The following HJV variants were observed in gnomAD, a reference collection of about 807,000 sequenced individuals.
HJV encodes the protein hemojuvelin.
A neutral mutation model predicts 22.7 loss-of-function variants in HJV; 18 were observed. The observed-to-expected ratio is 0.79, with a 90% CI of 0.55 to 1.18. HJV has a LOEUF of 1.18. HJV is among the 50% of genes most tolerant of loss of function. HJV has a pLI of 0.00. For synonymous variants in HJV, 229 were observed against 222.7 expected, an observed-to-expected ratio of 1.03 and a Z score of -0.25; for missense variants, 572 against 553.0, an observed-to-expected ratio of 1.03 and a Z score of -0.34.
chr1:146,019,412 G>A lies in HJV; in HGVS notation c.420C>T (p.Ser140=), dbSNP rs1553769711. ...CACAAGGGTCCGGGGCAGGGAGGCC[G>A]GAGCCCGCGCCTGGAAGGGCGGGGC... ...PRGPALPGAG[S]GLPAPDPCDY... Residue 140 remains serine, a synonymous_variant, in exon 3 of 4, where the codon TCC becomes TCT. Transcript: ENST00000336751. The A allele has an allele frequency of 3.7e-6, 6 of 1,612,546 alleles. No individual in the cohort carries two copies. The highest frequency in any genetic ancestry group is 1.3e-5 in the African/African-American group (1 of 74,922).
chr1:146,018,722 C>T (rs367645382), intron 3 of HJV, 22 bp from the exon 4 acceptor site: 65 of 1,613,720 alleles, frequency 4.0e-5, no homozygotes, highest in Non-Finnish European at 5.3e-5. Flanking sequence ...AGAGGGAAAA[C>T]AGTTCATTTT....
chr1:146,019,054 G>A, intron 3 of HJV, 121 bp downstream of exon 3: 1 of 894,438 alleles, frequency 1.1e-6, no homozygotes, highest in Non-Finnish European at 1.9e-6. Context: ...TCGAGATGGG[G>A]GAGAGGTTGA....
chr1:146,019,586 G>C lies in HJV; in HGVS notation c.246C>G (p.Ala82=). 1 of 1,613,616 alleles carries C rather than the reference G, an allele frequency of 6.2e-7. No homozygotes were observed. Among genetic ancestry groups the C allele is most frequent in the Non-Finnish European group, 8.5e-7 (1 of 1,180,012 alleles). ...GAGTGCAGAGCGCATAGGAGCGGAG[G>C]GCTCGACAGAGGCCGCCAGAGCCCA... ...GGVGSGGLCR[A]LRSYALCTRR... Residue 82 remains alanine, a synonymous_variant, in exon 3 of 4, where the codon GCC becomes GCG. Coordinates refer to ENST00000336751, the MANE Select transcript of HJV (RefSeq NM_213653.4).
In HJV at chr1:146,017,813, A is replaced by G. The variant is rs1044146074; in HGVS notation, c.*264T>C. 8.4e-6 allele frequency: 4 copies of G among 474,332 alleles called. No homozygotes were observed. The highest frequency in any genetic ancestry group is 1.6e-5 in the Non-Finnish European group (4 of 254,396). The allele number at this position is 474,332 out of a possible 1,614,324, so 29.4% of individuals were successfully genotyped here. ...CTTATAAGGGTGAAATCTGCAGTAA[A>G]TGGATTAGAACAATTTGTTTACTAT... On this transcript the variant is annotated 3_prime_UTR_variant, in exon 4 of 4. Coordinates refer to ENST00000336751, the MANE Select transcript of HJV (RefSeq NM_213653.4).
intron 1 of HJV, among the ~76,000 whole-genome samples, chr1:146,020,896 T>A (rs1652694730): frequency 6.6e-6 from 1 of 152,326 alleles, no homozygotes; most frequent in East Asian, 1.9e-4. Flanking sequence ...TTAATCTCCC[T>A]CTCTCATGGA....
chr1:146,019,254 A>G lies in HJV; in HGVS notation c.578T>C (p.Leu193Pro). 1.2e-6 allele frequency: 2 copies of G among 1,614,070 alleles called. No homozygotes were observed. The highest frequency in any genetic ancestry group is 1.7e-6 in the Non-Finnish European group (2 of 1,180,050). The change falls in exon 3 of 4, where the codon CTA becomes CCA. Residue 193 changes from leucine (L) to proline (P), a missense_variant. Transcript: ENST00000336751. ...HTCRVQGAWP[L>P]LDNDFLFVQA... ...GACAAAGAGGAAGTCATTATCCAGT[A>G]GAGGCCAAGCTCCTTGGACACGGCA...
chr1:146,018,352 C>A lies in HJV; in HGVS notation c.1006G>T (p.Gly336Ter), dbSNP rs1553769428. The A allele has an allele frequency of 6.2e-7, 1 of 1,614,206 alleles. No individual in the cohort carries two copies. The highest frequency in any genetic ancestry group is 1.1e-5 in the South Asian group (1 of 91,086). Residue 336 changes from glycine to a stop codon, truncating the protein, a stop_gained, in exon 4 of 4, where the codon GGA becomes TGA. Transcript: ENST00000336751. LOFTEE classifies it high-confidence loss of function. ...RLSRSERNRR[G>*]AITIDTARRL... ...CTGGCAGTATCAATGGTTATAGCTCCCCGACGATTGCGCTCTGATCGAGAG... is the reference window on the plus strand; with the variant it reads ...CTGGCAGTATCAATGGTTATAGCTCACCGACGATTGCGCTCTGATCGAGAG...
In HJV at chr1:146,018,020, T is replaced by C. The variant is rs1333402121; in HGVS notation, c.*57A>G. 1.6e-5 allele frequency: 25 copies of C among 1,578,846 alleles called. No homozygotes were observed. Among genetic ancestry groups the C allele is most frequent in the Non-Finnish European group, 2.1e-5 (24 of 1,149,398 alleles). On this transcript the variant is annotated 3_prime_UTR_variant, in exon 4 of 4. Transcript: ENST00000336751. ...CCTTTAATGATTCTTTACATTCTTC[T>C]ATGCCAATCTGTATCTCCAAATCAT...
intron 2 of HJV, 42 bp from the exon 3 acceptor site, chr1:146,019,776 C>A: frequency 6.2e-7 from 1 of 1,613,740 alleles, no homozygotes; most frequent in Non-Finnish European, 8.5e-7. Context: ...GTCCTCAGAC[C>A]TCTGCTCTAT....
At position 146,018,104 on chromosome 1, in the gene HJV, G is replaced by C. The variant is rs886045240; in HGVS notation, c.1254C>G (p.Leu418=). The change falls in exon 4 of 4, where the codon CTC becomes CTG. Residue 418 remains leucine, a synonymous_variant. Transcript: ENST00000336751. ...ATLLAPLLSG[L]FVLWLCIQ ...ACTGAATGCAAAGCCACAGAACAAA[G>C]AGCCCAGAAAGGAGTGGAGCTAAGA... is the stretch of plus-strand genomic sequence containing the variant. 6.2e-7 allele frequency: 1 copy of C among 1,614,108 alleles called. No homozygotes were observed. The highest frequency in any genetic ancestry group is 8.5e-7 in the Non-Finnish European group (1 of 1,180,030).
Position 146,018,249 on chromosome 1 carries a change from T to A in HJV, c.1109A>T (p.Asp370Val). ...CTGAGCTGCCACGGTAAAGTTGGGA[T>A]CACCAGAAATTAAAACATCAAAGAC... is the stretch of plus-strand genomic sequence containing the variant. ...SCVFDVLISG[D>V]PNFTVAAQAA... Residue 370 changes from aspartate (D) to valine (V), a missense_variant, in exon 4 of 4, where the codon GAT becomes GTT. Coordinates refer to ENST00000336751, the MANE Select transcript of HJV (RefSeq NM_213653.4). 1.9e-6 allele frequency: 3 copies of A among 1,614,112 alleles called. No homozygotes were observed. Among genetic ancestry groups the A allele is most frequent in the Non-Finnish European group, 2.5e-6 (3 of 1,180,016 alleles).
rs1178102114 is a variant in HJV, at chr1:146,019,627, C to G, written c.205G>C (p.Gly69Arg). The G allele has an allele frequency of 1.3e-6, 2 of 1,598,876 alleles. No individual in the cohort carries two copies. Among genetic ancestry groups the G allele is most frequent in the African/African-American group, 1.3e-5 (1 of 74,572 alleles). ...SGALRGGGGG[G>R]RGGGVGSGGL... ...CCAGAGCCCACCCCTCCACCCCGGC[C>G]TCCTCCTCCTCCTCCTCGAAGTGCT... The change falls in exon 3 of 4, where the codon GGC becomes CGC. Residue 69 changes from glycine (G) to arginine (R), a missense_variant. Transcript: ENST00000336751.
rs74315323 is a variant in HJV at position 146,018,399 on chromosome 1, C to A, written c.959G>T (p.Gly320Val). The change falls in exon 4 of 4, where the codon GGG (glycine) becomes GTG (valine). Residue 320 changes from glycine (G) to valine (V), a missense_variant. By Grantham distance (109) the Gly-to-Val change is moderately radical. Transcript: ENST00000336751. ...AGAGAGTCGCTGACTTGGAGGGCAC[C>A]CCCCAACACAGAGCTGCAGGTCCTG... ...AEQDLQLCVGGCPPSQRLSRS... is the reference protein window; with the variant it reads ...AEQDLQLCVGVCPPSQRLSRS... The A allele has an allele frequency of 4.2e-4, 681 of 1,614,004 alleles. 1 individual carries two copies. The highest frequency in any genetic ancestry group is 5.6e-4 in the Non-Finnish European group (658 of 1,180,040).
rs1553769759 is a variant in HJV at position 146,019,613 on chromosome 1, C to G, written c.219G>C (p.Gly73=). ...RGGGGGGRGG[G]VGSGGLCRAL... ...CTCGACAGAGGCCGCCAGAGCCCAC[C>G]CCTCCACCCCGGCCTCCTCCTCCTC... The change falls in exon 3 of 4, where the codon GGG becomes GGC. Residue 73 remains glycine (G), a synonymous_variant. Transcript: ENST00000336751. 1 of 1,613,740 alleles carries G rather than the reference C, an allele frequency of 6.2e-7. No individual in the cohort carries two copies. Among genetic ancestry groups the G allele is most frequent in the South Asian group, 1.1e-5 (1 of 91,074 alleles).
chr1:146,021,188 C>A (rs587676614), intron 1 of HJV, among the ~76,000 whole-genome samples: 1 of 152,252 alleles, frequency 6.6e-6, no homozygotes, highest in Admixed American at 6.5e-5. Flanking sequence ...GAGCAGCCCC[C>A]ATGCTTGGAA....
At position 146,019,205 on chromosome 1, in the gene HJV, C is replaced by A. The variant is rs1553769619; in HGVS notation, c.627G>T (p.Ala209=). 6.2e-7 allele frequency: 1 copy of A among 1,614,100 alleles called. No homozygotes were observed. Among genetic ancestry groups the A allele is most frequent in the Non-Finnish European group, 8.5e-7 (1 of 1,179,990 alleles). Residue 209 remains alanine (A), a synonymous_variant, in exon 3 of 4, where the codon GCG becomes GCT. Coordinates refer to ENST00000336751, the MANE Select transcript of HJV (RefSeq NM_213653.4). ...GGGTGGCGGTAGCGTTGGCCCCCAA[C>A]GCCATGGGGGAGCTGGTGGCTTGGA... is the stretch of plus-strand genomic sequence containing the variant. ...LFVQATSSPM[A]LGANATATRK...
At chr1:146,018,751 C>T (rs782675340) in intron 3 of HJV, 51 bp from the exon 4 acceptor site, 18 of 1,589,552 alleles carry the variant, frequency 1.1e-5, no homozygotes, top group South Asian at 4.4e-5. Flanking sequence ...TGCATCTTCC[C>T]CCCAATCAGA....
chr1:146,019,187 G>C lies in HJV; in HGVS notation c.645C>G (p.Thr215=), dbSNP rs782116984. ...SSPMALGANA[T]ATRKLTIIFK... is the part of the protein sequence containing the mutation. Reference sequence around the variant, plus strand: ...TTGAGTGCCTGACCTTCCGGGTGGCGGTAGCGTTGGCCCCCAACGCCATGG... The same window carrying C: ...TTGAGTGCCTGACCTTCCGGGTGGCCGTAGCGTTGGCCCCCAACGCCATGG... Residue 215 remains threonine (T), a synonymous_variant, in exon 3 of 4, where the codon ACC becomes ACG. Transcript: ENST00000336751. The C allele has an allele frequency of 2.5e-5, 41 of 1,613,876 alleles. 2 individuals are homozygous for C. The South Asian group carries it at 4.3e-4, about 17-fold the overall frequency.
At position 146,019,644 on chromosome 1, in the gene HJV, C is replaced by G. The variant is rs886045237; in HGVS notation, c.188G>C (p.Arg63Pro). The change falls in exon 3 of 4, where the codon CGA (arginine) becomes CCA (proline). Residue 63 changes from arginine (R) to proline (P), a missense_variant. Coordinates refer to ENST00000336751, the MANE Select transcript of HJV (RefSeq NM_213653.4). ...ACCCCGGCCTCCTCCTCCTCCTCCT[C>G]GAAGTGCTCCTGATGAACCCCCACC... is the stretch of plus-strand genomic sequence containing the variant. Reference protein sequence around the residue: ...LRGGGSSGALRGGGGGGRGGG... With the variant: ...LRGGGSSGALPGGGGGGRGGG... 5 of 1,613,702 alleles carry G rather than the reference C, an allele frequency of 3.1e-6. No homozygotes were observed. The highest frequency in any genetic ancestry group is 2.2e-5 in the South Asian group (2 of 91,080).
Sources: allele counts gnomAD v4.1 joint callset (sites outside exome capture counted in the v4.1 genomes callset), GRCh38; gene constraint gnomAD v4.1.1; transcripts MANE v1.5; gene names NCBI Gene and HGNC (gene_info 2026-07-23, HGNC 2026-07-21).